ROBO2: variants seen among roughly 807,000 people sequenced by gnomAD.
The protein encoded by ROBO2 is roundabout guidance receptor 2.
Under a neutral mutation model 160.8 loss-of-function variants are expected in ROBO2, and 53 were observed. That is an observed-to-expected ratio of 0.33 (90% confidence interval 0.26 to 0.41). The LOEUF (loss-of-function observed/expected upper bound fraction) is 0.41, where lower values mean the gene tolerates loss of function less well. Ranked by LOEUF, ROBO2 falls within the 10% of genes least tolerant of loss-of-function variation. ROBO2 has a pLI of 1.00. For missense variants in ROBO2, 1,577 were observed against 1,722.4 expected, an observed-to-expected ratio of 0.92 and a Z score of 1.49; for synonymous variants, 664 against 611.7, an observed-to-expected ratio of 1.09 and a Z score of -1.26.
chr3:77,326,543 A>G (rs1433448444), intron 2 of ROBO2, among the ~76,000 whole-genome samples: 1 of 152,212 alleles, frequency 6.6e-6, no homozygotes, highest in Non-Finnish European at 1.5e-5. Context: ...GTTTAAAAGT[A>G]TAATCTTTTA....
At chr3:77,121,465 G>A (rs552101354) in intron 2 of ROBO2, among the ~76,000 whole-genome samples, 28 of 152,228 alleles carry the variant, frequency 1.8e-4, no homozygotes, top group African/African-American at 6.5e-4. Context: ...CTACTGGAAT[G>A]GGGAAATACA....
intron 2 of ROBO2, among the ~76,000 whole-genome samples, chr3:76,512,689 A>G (rs2081160256): frequency 6.6e-6 from 1 of 152,156 alleles, no homozygotes; most frequent in Non-Finnish European, 1.5e-5. Context: ...TCTTTCAGGC[A>G]CAAAATTGTT....
chr3:75,927,951 T>C (rs900160507), intron 1 of ROBO2, among the ~76,000 whole-genome samples: 3 of 151,540 alleles, frequency 2.0e-5, no homozygotes, highest in Non-Finnish European at 4.4e-5. Flanking sequence ...TATTGTATTA[T>C]AGCCTTTCTT....
chr3:77,437,764 T>C (rs73099897), intron 2 of ROBO2, among the ~76,000 whole-genome samples: 42,396 of 151,698 alleles, frequency 0.28, 6,631 homozygotes, highest in Non-Finnish European at 0.35. Flanking sequence ...CTCAAAACTC[T>C]TTTTTTAAAA....
chr3:76,880,420 G>A (rs934435781), intron 2 of ROBO2, among the ~76,000 whole-genome samples: 2 of 152,120 alleles, frequency 1.3e-5, no homozygotes, highest in African/African-American at 4.8e-5. Flanking sequence ...ACATATTTCA[G>A]TGTGTAGGCA....
chr3:76,970,523 G>A (rs2059523004), intron 2 of ROBO2, among the ~76,000 whole-genome samples: 1 of 152,100 alleles, frequency 6.6e-6, no homozygotes, highest in South Asian at 2.1e-4. Context: ...TAGGTGACAA[G>A]CATTTGCCGG....
At chr3:76,471,695 C>T (rs1399050159) in intron 2 of ROBO2, among the ~76,000 whole-genome samples, 1 of 152,098 alleles carries the variant, frequency 6.6e-6, no homozygotes, top group Non-Finnish European at 1.5e-5. Context: ...AGTCTGTTCT[C>T]ATGCTGTTAT....
chr3:76,272,742 TC>T (rs1707530210), intron 2 of ROBO2, among the ~76,000 whole-genome samples: 2 of 113,074 alleles, frequency 1.8e-5, no homozygotes, highest in African/African-American at 6.9e-5. Context: ...ATATATATAT[TC>T]TCTATATATA....
chr3:76,873,839 G>C (rs944387), intron 2 of ROBO2, among the ~76,000 whole-genome samples: 80,213 of 151,966 alleles, frequency 0.53, 22,330 homozygotes, highest in African/African-American at 0.72. Flanking sequence ...GGTTCTCTTT[G>C]CATTCCTTAT....
chr3:77,499,539 TA>T (rs1006947067), intron 5 of ROBO2, among the ~76,000 whole-genome samples: 8 of 151,750 alleles, frequency 5.3e-5, no homozygotes, highest in African/African-American at 9.7e-5. Flanking sequence ...AAATTAATGC[TA>T]AAAAAATATA....
chr3:77,243,823 T>C (rs971984571), intron 2 of ROBO2, among the ~76,000 whole-genome samples: 7 of 152,236 alleles, frequency 4.6e-5, no homozygotes, highest in Non-Finnish European at 8.8e-5. Flanking sequence ...GCACTTTAGA[T>C]ACTATTAATC....
rs549499988 is a variant in ROBO2, at chr3:77,480,580, G to A, written c.547-519G>A. On this transcript the variant is annotated intron_variant, in intron 3 of 25. Coordinates refer to ENST00000461745, the Ensembl canonical transcript of ROBO2. ...TTAAATACAATTAAGATGAAACAAA[G>A]ATGATTAATATTAACAGTTGAAATG... 4.4e-4 allele frequency among the ~76,000 whole-genome samples: 67 copies of A among 152,188 alleles called. 1 individual carries two copies. The highest frequency in any genetic ancestry group is 8.7e-4 in the Non-Finnish European group (59 of 68,000).
chr3:76,132,213 G>C (rs1037920860), intron 2 of ROBO2, among the ~76,000 whole-genome samples: 1 of 152,108 alleles, frequency 6.6e-6, no homozygotes, highest in Non-Finnish European at 1.5e-5. Context: ...CTTTCCCATT[G>C]GAGTTACACA....
At chr3:76,740,901 G>A (rs948170615) in intron 2 of ROBO2, among the ~76,000 whole-genome samples, 2 of 151,950 alleles carry the variant, frequency 1.3e-5, no homozygotes, top group Non-Finnish European at 2.9e-5. Context: ...TCTGTTTTGG[G>A]TGTTTATAAA....
At chr3:77,339,071 T>C (rs896612679) in intron 2 of ROBO2, among the ~76,000 whole-genome samples, 2 of 152,124 alleles carry the variant, frequency 1.3e-5, no homozygotes, top group African/African-American at 2.4e-5. Context: ...AATTATTTTC[T>C]TTTTAGTTAA....
chr3:76,234,633 G>A (rs557484768), intron 2 of ROBO2, among the ~76,000 whole-genome samples: 24 of 152,102 alleles, frequency 1.6e-4, no homozygotes, highest in East Asian at 3.9e-4. Context: ...TTTAATTACC[G>A]ATGGACATGT....
intron 2 of ROBO2, among the ~76,000 whole-genome samples, chr3:76,398,013 G>C (rs1008837782): frequency 6.6e-6 from 1 of 152,116 alleles, no homozygotes; most frequent in African/African-American, 2.4e-5. Flanking sequence ...CTGCCATAAA[G>C]ACACATGTAC....
intron 2 of ROBO2, among the ~76,000 whole-genome samples, chr3:76,286,628 A>T (rs541071798): frequency 6.6e-6 from 1 of 152,232 alleles, no homozygotes; most frequent in African/African-American, 2.4e-5. Flanking sequence ...CTGGGAGTGG[A>T]GGAGAGTGAA....
At chr3:77,008,148 T>C (rs528440157) in intron 2 of ROBO2, among the ~76,000 whole-genome samples, 8 of 152,168 alleles carry the variant, frequency 5.3e-5, no homozygotes, top group Non-Finnish European at 1.0e-4. Context: ...TCTAAGAATA[T>C]TACTCTACGA....
Sources: allele counts gnomAD v4.1 joint callset (sites outside exome capture counted in the v4.1 genomes callset), GRCh38; gene constraint gnomAD v4.1.1; transcripts MANE v1.5; gene names NCBI Gene and HGNC (gene_info 2026-07-23, HGNC 2026-07-21).